PKHD1: variants seen among roughly 807,000 people sequenced by gnomAD.
PKHD1 encodes fibrocystin.
Under a neutral mutation model 412.0 loss-of-function variants are expected in PKHD1, and 291 were observed. The observed-to-expected ratio is 0.71, with a 90% CI of 0.64 to 0.78. PKHD1 has a LOEUF of 0.78. Ranked by LOEUF, PKHD1 falls within the 30% of genes least tolerant of loss-of-function variation. The pLI is 0.00. For synonymous variants in PKHD1, 1,777 were observed against 1,821.5 expected, an observed-to-expected ratio of 0.98 and a Z score of 0.62; for missense variants, 4,825 against 4,950.7, an observed-to-expected ratio of 0.97 and a Z score of 0.76.
intron 14 of PKHD1, among the ~76,000 whole-genome samples, chr6:52,062,244 C>T (rs141796070): frequency 2.2e-3 from 329 of 152,334 alleles, no homozygotes; most frequent in African/African-American, 7.6e-3. Flanking sequence ...TTCCAGTCTC[C>T]TGGCCTGCTC....
At chr6:51,839,722 A>G (rs1022147028) in intron 50 of PKHD1, among the ~76,000 whole-genome samples, 7 of 152,246 alleles carry the variant, frequency 4.6e-5, no homozygotes, top group Middle Eastern at 6.8e-3. Flanking sequence ...AAAATAAAAA[A>G]CACATGGAAT....
At chr6:51,890,219 T>C (rs904120057) in intron 43 of PKHD1, among the ~76,000 whole-genome samples, 1 of 151,914 alleles carries the variant, frequency 6.6e-6, no homozygotes, top group Non-Finnish European at 1.5e-5. Context: ...ACAGAGCAAA[T>C]AGTTGTCAGA....
chr6:51,628,955 G>C (rs577022821), intron 65 of PKHD1, among the ~76,000 whole-genome samples: 21 of 152,112 alleles, frequency 1.4e-4, no homozygotes, highest in Non-Finnish European at 2.5e-4. Flanking sequence ...ACAATAACAA[G>C]CAATTGTGAA....
At position 52,046,170 on chromosome 6, in the gene PKHD1, G is replaced by A. The variant is rs776653459; in HGVS notation, c.2426C>T (p.Ser809Phe). 2.5e-6 allele frequency: 4 copies of A among 1,613,194 alleles called. No homozygotes were observed. In the Admixed American group the frequency reaches 6.7e-5, roughly 27 times the overall value. ...TAAGAGCTGGTGAAGGTGATGAGCAGAAATTTGTACAGGGACATCTGTGAG... is the reference window on the plus strand; with the variant it reads ...TAAGAGCTGGTGAAGGTGATGAGCAAAAATTTGTACAGGGACATCTGTGAG... ...TVISDVPVQI[S>F]AHHLHQLLQN... The change falls in exon 24 of 67, where the codon TCT becomes TTT. Residue 809 changes from serine (S) to phenylalanine (F), a missense_variant. Ser to Phe is a radical substitution (Grantham distance 155). Coordinates refer to ENST00000371117, the MANE Select transcript of PKHD1 (RefSeq NM_138694.4).
chr6:51,941,966 T>A, intron 36 of PKHD1, among the ~76,000 whole-genome samples: 1 of 151,430 alleles, frequency 6.6e-6, no homozygotes. Context: ...AAAACGTGTT[T>A]TCCCTGCCGA....
chr6:51,758,074 A>C (rs909028375), intron 55 of PKHD1, among the ~76,000 whole-genome samples: 20 of 151,178 alleles, frequency 1.3e-4, no homozygotes, highest in African/African-American at 4.9e-4. Flanking sequence ...AACAGGAAAA[A>C]AATCACTATC....
chr6:51,890,315 A>G (rs1212627839), intron 43 of PKHD1, among the ~76,000 whole-genome samples: 1 of 152,152 alleles, frequency 6.6e-6, no homozygotes, highest in East Asian at 1.9e-4. Flanking sequence ...GATGCCCAAT[A>G]ATAGGGTGCA....
At chr6:51,654,776 G>C (rs1771542123) in intron 61 of PKHD1, among the ~76,000 whole-genome samples, 1 of 151,966 alleles carries the variant, frequency 6.6e-6, no homozygotes, top group Non-Finnish European at 1.5e-5. Flanking sequence ...TAGTACCCAA[G>C]GGCATCACAG....
rs770405897 is a variant in PKHD1 at position 51,934,147 on chromosome 6, C to T, written c.6084G>A (p.Lys2028=). Reference sequence around the variant, plus strand: ...GAGTTCCATTCCTCACAGCCAGGAACTTGACTCCATAGGGAAAGAAGGGAG... The same window carrying T: ...GAGTTCCATTCCTCACAGCCAGGAATTTGACTCCATAGGGAAAGAAGGGAG... ...YSTPFFPYGV[K]FLAVRNGTLS... is the part of the protein sequence containing the mutation. Residue 2028 remains lysine, a synonymous_variant, in exon 37 of 67, where the codon AAG becomes AAA. Coordinates refer to ENST00000371117, the MANE Select transcript of PKHD1 (RefSeq NM_138694.4). The T allele has an allele frequency of 2.5e-6, 4 of 1,613,922 alleles. No homozygotes were observed. Among genetic ancestry groups the T allele is most frequent in the East Asian group, 2.2e-5 (1 of 44,900 alleles).
At chr6:51,747,613 G>C (rs1785375845) in intron 58 of PKHD1, among the ~76,000 whole-genome samples, 174 bp downstream of exon 58, 1 of 152,152 alleles carries the variant, frequency 6.6e-6, no homozygotes, top group Admixed American at 6.5e-5. Flanking sequence ...GTATAAAGCA[G>C]TGACTTTTGT....
In PKHD1 at chr6:51,959,964, C is replaced by T. The variant is rs775677501; in HGVS notation, c.5814G>A (p.Arg1938=). ...TGACGTTGTCGCCATCTTGTGGCAG[C>T]CTTTCAGGAAACCAGCTGTGAGTCC... The part of the protein sequence containing the change: ...WSRTHSWFPE[R]LPQDGDNVTV... The change falls in exon 36 of 67, where the codon AGG becomes AGA. Residue 1938 remains arginine (R), a synonymous_variant. Transcript: ENST00000371117. The T allele has an allele frequency of 1.2e-6, 2 of 1,613,502 alleles. No individual in the cohort carries two copies. The highest frequency in any genetic ancestry group is 2.2e-5 in the East Asian group (1 of 44,870).
At chr6:51,633,393 A>G (rs1321827745) in intron 64 of PKHD1, among the ~76,000 whole-genome samples, 3 of 152,192 alleles carry the variant, frequency 2.0e-5, no homozygotes, top group Non-Finnish European at 2.9e-5. Flanking sequence ...AAAGTTACCT[A>G]TCTGCATAAA....
At chr6:51,766,406 T>C (rs911733096) in intron 55 of PKHD1, among the ~76,000 whole-genome samples, 1 of 152,156 alleles carries the variant, frequency 6.6e-6, no homozygotes, top group African/African-American at 2.4e-5. Context: ...CCCATGTGAA[T>C]GTGAGCCTCT....
intron 3 of PKHD1, among the ~76,000 whole-genome samples, chr6:52,082,956 G>T (rs1487043814): frequency 6.6e-6 from 1 of 152,156 alleles, no homozygotes; most frequent in Non-Finnish European, 1.5e-5. Context: ...CCACAGCCTG[G>T]AATGGGAAAG....
chr6:51,744,626 T>A, intron 59 of PKHD1, 84 bp from the exon 60 acceptor site: 1 of 1,022,358 alleles, frequency 9.8e-7, no homozygotes, highest in Non-Finnish European at 1.5e-6. Context: ...TAATGTTGTT[T>A]AAAATAAATT....
intron 36 of PKHD1, among the ~76,000 whole-genome samples, chr6:51,949,041 A>G (rs996567768): frequency 1.3e-5 from 2 of 152,198 alleles, no homozygotes; most frequent in African/African-American, 4.8e-5. Flanking sequence ...TAAACAGAGG[A>G]AAAATGAGAG....
chr6:52,025,465 C>A lies in PKHD1; in HGVS notation c.4345G>T (p.Gly1449Cys). 6.2e-7 allele frequency: 1 copy of A among 1,609,988 alleles called. No individual in the cohort carries two copies. Among genetic ancestry groups the A allele is most frequent in the South Asian group, 1.1e-5 (1 of 90,660 alleles). ...AAGGAAGCTCCAGGCAAGGGGTCAC[C>A]CTCCAGGCTAACCTGGCAGAGAATG... Reference protein sequence around the residue: ...HTILCQVSLEGDPLPGASFSL... With the variant: ...HTILCQVSLECDPLPGASFSL... Residue 1449 changes from glycine (G) to cysteine (C), a missense_variant, in exon 32 of 67, where the codon GGT becomes TGT. Gly to Cys is a radical substitution (Grantham distance 159). Coordinates refer to ENST00000371117, the MANE Select transcript of PKHD1 (RefSeq NM_138694.4).
chr6:51,919,543 C>A (rs1268651), intron 37 of PKHD1, among the ~76,000 whole-genome samples: 127,019 of 152,084 alleles, frequency 0.84, 53,261 homozygotes, highest in East Asian at 0.94. Flanking sequence ...CTTGTAATAT[C>A]GTTTGAAGTC....
intron 52 of PKHD1, among the ~76,000 whole-genome samples, chr6:51,801,185 T>C (rs6458786): frequency 0.59 from 89,841 of 151,990 alleles, 27,220 homozygotes; most frequent in East Asian, 0.83. Context: ...AACAATTTAT[T>C]TAAATAGTCT....
Sources: gnomAD v4.1 joint callset for allele counts (sites outside exome capture counted in the v4.1 genomes callset) on GRCh38, gnomAD v4.1.1 for gene constraint, MANE v1.5 for transcripts, NCBI Gene and HGNC (gene_info 2026-07-23, HGNC 2026-07-21) for gene names.